Variants in SPAG16 observed in about 807,000 individuals in gnomAD.
SPAG16 encodes the protein sperm-associated antigen 16 protein.
A neutral mutation model predicts 80.4 loss-of-function variants in SPAG16; 86 were observed. The observed-to-expected ratio is 1.07, with a 90% CI of 0.90 to 1.28. The LOEUF (loss-of-function observed/expected upper bound fraction) is 1.28, where lower values mean the gene tolerates loss of function less well. Among genes scored for constraint, SPAG16 ranks in the 50% most tolerant of loss-of-function variants. The pLI is 0.00. For synonymous variants in SPAG16, 294 were observed against 265.9 expected (o/e 1.11, Z -1.03); for missense variants, 870 against 765.3 (o/e 1.14, Z -1.61).
chr2:214,300,232 T>A, intron 15 of SPAG16, among the ~76,000 whole-genome samples: 2 of 152,294 alleles, frequency 1.3e-5, no homozygotes, highest in South Asian at 4.1e-4. Context: ...AATTGCTTAT[T>A]TGTAACAATT....
intron 15 of SPAG16, chr2:214,311,863 T>C (rs976244472): frequency 2.0e-5 from 3 of 152,210 alleles, no homozygotes; most frequent in Non-Finnish European, 4.4e-5. Flanking sequence ...TCTCTCTCTT[T>C]TGTGGCTGAA....
chr2:213,523,800 A>G (rs2075779631), intron 10 of SPAG16, among the ~76,000 whole-genome samples: 1 of 152,230 alleles, frequency 6.6e-6, no homozygotes, highest in Admixed American at 6.5e-5. Flanking sequence ...AGATCTGTGG[A>G]ACTTTGAACT....
chr2:213,666,262 T>C (rs1000055089), intron 10 of SPAG16, among the ~76,000 whole-genome samples: 1 of 152,180 alleles, frequency 6.6e-6, no homozygotes, highest in Non-Finnish European at 1.5e-5. Flanking sequence ...AGCTTCTTGT[T>C]ACTTTGTTAA....
At chr2:214,152,579 C>T (rs1034698551) in intron 15 of SPAG16, among the ~76,000 whole-genome samples, 6 of 152,000 alleles carry the variant, frequency 3.9e-5, no homozygotes, top group South Asian at 2.1e-4. Flanking sequence ...TGTGCGGCGA[C>T]GAGAGAGTGT....
intron 10 of SPAG16, among the ~76,000 whole-genome samples, chr2:213,832,717 T>A (rs778057233): frequency 1.1e-4 from 17 of 152,174 alleles, no homozygotes; most frequent in Non-Finnish European, 2.5e-4. Flanking sequence ...TTTTGTCCAA[T>A]CACATTTTTA....
chr2:213,694,758 A>G (rs2065088872), intron 10 of SPAG16, among the ~76,000 whole-genome samples: 1 of 136,316 alleles, frequency 7.3e-6, no homozygotes, highest in African/African-American at 2.7e-5. Flanking sequence ...TCCTTTCTTT[A>G]TCCTTCTCTT....
At chr2:213,922,000 T>C (rs1329217109) in intron 11 of SPAG16, among the ~76,000 whole-genome samples, 1 of 152,224 alleles carries the variant, frequency 6.6e-6, no homozygotes, top group East Asian at 1.9e-4. Flanking sequence ...ATTATGTGTC[T>C]TGGAGATGGT....
intron 10 of SPAG16, among the ~76,000 whole-genome samples, chr2:213,639,675 C>A (rs1382826939): frequency 6.6e-6 from 1 of 152,120 alleles, no homozygotes; most frequent in South Asian, 2.1e-4. Context: ...TCTTTAGATT[C>A]TTTCCTTTGT....
intron 10 of SPAG16, among the ~76,000 whole-genome samples, chr2:213,821,235 C>G (rs1471025360): frequency 1.3e-5 from 2 of 151,984 alleles, no homozygotes; most frequent in East Asian, 3.8e-4. Context: ...TGTTTTCTTG[C>G]CTTTTATTCT....
chr2:213,432,346 G>C (rs2070356315), intron 9 of SPAG16, among the ~76,000 whole-genome samples: 1 of 151,960 alleles, frequency 6.6e-6, no homozygotes, highest in Admixed American at 6.6e-5. Flanking sequence ...CCACTAGCTA[G>C]ATTAACCAAG....
chr2:213,878,608 T>A (rs2076229216), intron 11 of SPAG16, among the ~76,000 whole-genome samples: 1 of 152,194 alleles, frequency 6.6e-6, no homozygotes, highest in Non-Finnish European at 1.5e-5. Flanking sequence ...GCAGGTTGCC[T>A]GTATACTCTG....
chr2:214,003,566 G>A (rs1460534597), intron 12 of SPAG16, among the ~76,000 whole-genome samples: 1 of 152,136 alleles, frequency 6.6e-6, no homozygotes, highest in Non-Finnish European at 1.5e-5. Context: ...AATTATAAGT[G>A]TTGTTAGTTC....
intron 11 of SPAG16, among the ~76,000 whole-genome samples, chr2:213,905,359 A>G (rs1209263951): frequency 1.3e-5 from 2 of 152,220 alleles, no homozygotes; most frequent in Non-Finnish European, 2.9e-5. Flanking sequence ...TCAAAAGCAA[A>G]TAGTTTACCA....
intron 4 of SPAG16, among the ~76,000 whole-genome samples, chr2:213,312,426 CATCT>C (rs1250143719): frequency 3.3e-5 from 5 of 151,626 alleles, no homozygotes; most frequent in South Asian, 2.1e-4. Context: ...ATATGTCATC[CATCT>C]GTCTTCCTAC....
intron 10 of SPAG16, among the ~76,000 whole-genome samples, chr2:213,524,853 AT>A (rs1159878214): frequency 6.6e-6 from 1 of 152,152 alleles, no homozygotes; most frequent in Non-Finnish European, 1.5e-5. Context: ...TGGACTTGGA[AT>A]TTTGAGTTAA....
chr2:213,367,142 A>G (rs992417113), intron 8 of SPAG16, among the ~76,000 whole-genome samples: 2 of 152,306 alleles, frequency 1.3e-5, no homozygotes, highest in East Asian at 1.9e-4. Context: ...GTTGCATAGT[A>G]TTCCATGGTG....
intron 15 of SPAG16, among the ~76,000 whole-genome samples, chr2:214,295,894 A>G (rs1480371907): frequency 1.3e-5 from 2 of 152,140 alleles, no homozygotes; most frequent in Non-Finnish European, 2.9e-5. Context: ...TGTATTTTTA[A>G]TTTTTATCTT....
chr2:214,148,960 G>A (rs958881790), intron 14 of SPAG16, among the ~76,000 whole-genome samples, 180 bp from the exon 15 acceptor site: 2 of 151,224 alleles, frequency 1.3e-5, no homozygotes, highest in Non-Finnish European at 2.9e-5. Context: ...TCTTAGTTTA[G>A]AGGAATGTAA....
At chr2:214,145,060 G>A (rs1357559177) in intron 14 of SPAG16, among the ~76,000 whole-genome samples, 1 of 151,898 alleles carries the variant, frequency 6.6e-6, no homozygotes, top group African/African-American at 2.4e-5. Flanking sequence ...ATTATACAAT[G>A]CCATAAGATA....
Sources: allele counts gnomAD v4.1 joint callset (sites outside exome capture counted in the v4.1 genomes callset), GRCh38; gene constraint gnomAD v4.1.1; transcripts MANE v1.5; gene names NCBI Gene and HGNC (gene_info 2026-07-23, HGNC 2026-07-21).